IRAK1BP1: variants seen among roughly 807,000 people sequenced by gnomAD.
IRAK1BP1 encodes the protein interleukin 1 receptor associated kinase 1 binding protein 1.
Under a neutral mutation model 28.0 loss-of-function variants are expected in IRAK1BP1, and 24 were observed. That is an observed-to-expected ratio of 0.86 (90% confidence interval 0.62 to 1.20). The LOEUF (loss-of-function observed/expected upper bound fraction) is 1.20. Among genes scored for constraint, IRAK1BP1 ranks in the 50% most tolerant of loss-of-function variants. IRAK1BP1 has a pLI of 0.00. For synonymous variants in IRAK1BP1, 131 were observed against 116.3 expected (o/e 1.13, Z -0.81); for missense variants, 336 against 316.7 (o/e 1.06, Z -0.46).
At chr6:78,870,147 G>T (rs1047086686) in intron 1 of IRAK1BP1, among the ~76,000 whole-genome samples, 1 of 128,450 alleles carries the variant, frequency 7.8e-6, no homozygotes, top group Non-Finnish European at 1.6e-5. Flanking sequence ...AAAAGATGGA[G>T]CCTGACTATC....
intron 4 of IRAK1BP1, among the ~76,000 whole-genome samples, chr6:78,927,946 G>A (rs924872933): frequency 3.3e-5 from 5 of 152,068 alleles, no homozygotes; most frequent in Non-Finnish European, 7.4e-5. Flanking sequence ...TAGCTCTGTA[G>A]TATAATTTGG....
At chr6:78,911,177 C>T (rs1772406952) in intron 4 of IRAK1BP1, among the ~76,000 whole-genome samples, 1 of 152,056 alleles carries the variant, frequency 6.6e-6, no homozygotes, top group Non-Finnish European at 1.5e-5. Context: ...TGCTTGAGAC[C>T]GGGCCACCTC....
the IRAK1BP1 span, among the ~76,000 whole-genome samples, chr6:78,959,073 T>C: frequency 3.1e-3 from 476 of 152,212 alleles, 3 homozygotes; most frequent in African/African-American, 0.011. Flanking sequence ...CCTTATGAGA[T>C]ACAAAATCAT....
downstream of IRAK1BP1, among the ~76,000 whole-genome samples, chr6:78,950,689 T>C (rs1774092958): frequency 6.6e-6 from 1 of 151,986 alleles, no homozygotes; most frequent in Non-Finnish European, 1.5e-5. Flanking sequence ...TACAGTGATA[T>C]GCTCTATATC....
At chr6:78,930,958 A>C (rs1185941381) in intron 4 of IRAK1BP1, among the ~76,000 whole-genome samples, 1 of 29,750 alleles carries the variant, frequency 3.4e-5, no homozygotes, top group Non-Finnish European at 7.5e-5. Flanking sequence ...AAAAATAAAA[A>C]TAAAATAAAA....
intron 2 of IRAK1BP1, among the ~76,000 whole-genome samples, chr6:78,891,637 A>G (rs1328440457): frequency 6.6e-6 from 1 of 151,700 alleles, no homozygotes; most frequent in Non-Finnish European, 1.5e-5. Flanking sequence ...AATTTTTGTA[A>G]TTTTAGTAGA....
chr6:78,949,848 C>T (rs1774046628), downstream of IRAK1BP1, among the ~76,000 whole-genome samples: 3 of 151,948 alleles, frequency 2.0e-5, no homozygotes, highest in African/African-American at 7.3e-5. Flanking sequence ...GCCACTGCAC[C>T]CGGTTAATTT....
the IRAK1BP1 span, among the ~76,000 whole-genome samples, chr6:78,962,463 T>G: frequency 6.2e-4 from 94 of 152,286 alleles, no homozygotes; most frequent in Middle Eastern, 3.4e-3. Flanking sequence ...TATAAAATAC[T>G]TCAGATTTGA....
At chr6:78,930,669 CCTATAATCCCAGCACA>C (rs1487626345) in intron 4 of IRAK1BP1, among the ~76,000 whole-genome samples, 1 of 152,080 alleles carries the variant, frequency 6.6e-6, no homozygotes, top group Non-Finnish European at 1.5e-5. Context: ...GTGGCTCACA[CCTATAATCCCAGCACA>C]CTTTGAGAGG....
At chr6:78,945,567 G>A in exon 5 of IRAK1BP1, 3 of 904,786 alleles carry the variant, frequency 3.3e-6, no homozygotes, top group Non-Finnish European at 5.2e-6. Flanking sequence ...AGGTTAACCT[G>A]AATTATTTGA....
intron 4 of IRAK1BP1, among the ~76,000 whole-genome samples, chr6:78,914,879 G>T (rs1772519129): frequency 6.6e-6 from 1 of 152,166 alleles, no homozygotes; most frequent in South Asian, 2.1e-4. Context: ...GGAGTGCAGT[G>T]GTGTGATCTC....
chr6:78,929,680 T>G (rs1434000699), intron 4 of IRAK1BP1, among the ~76,000 whole-genome samples: 1 of 152,174 alleles, frequency 6.6e-6, no homozygotes, highest in Non-Finnish European at 1.5e-5. Flanking sequence ...GAATCTAAAA[T>G]AAAAATTGAA....
the IRAK1BP1 span, chr6:78,963,039 T>G: frequency 6.8e-7 from 1 of 1,473,104 alleles, no homozygotes; most frequent in African/African-American, 1.4e-5. Flanking sequence ...ATAACAGTAT[T>G]TTTCCATTAC....
At chr6:78,867,957 C>T in intron 1 of IRAK1BP1, 66 bp downstream of exon 1, 5 of 1,443,412 alleles carry the variant, frequency 3.5e-6, no homozygotes, top group Non-Finnish European at 4.6e-6. Context: ...ATGGTCGGGC[C>T]CCACAGGCCC....
intron 4 of IRAK1BP1, among the ~76,000 whole-genome samples, chr6:78,943,136 CTT>C (rs1773586729): frequency 6.6e-6 from 1 of 152,014 alleles, no homozygotes; most frequent in African/African-American, 2.4e-5. Flanking sequence ...TTAAAATTAA[CTT>C]TACCTGTTTT....
downstream of IRAK1BP1, among the ~76,000 whole-genome samples, chr6:78,947,958 C>CA (rs1282613685): frequency 6.6e-6 from 1 of 151,936 alleles, no homozygotes; most frequent in Non-Finnish European, 1.5e-5. Flanking sequence ...TACTCCCCCC[C>CA]CTTATACTGC....
downstream of IRAK1BP1, chr6:78,946,576 C>T (rs1773830980): frequency 2.1e-6 from 3 of 1,403,276 alleles, no homozygotes; most frequent in South Asian, 1.7e-5. Flanking sequence ...AAATCCTCCA[C>T]ATCATAGGAA....
At chr6:78,931,243 A>C (rs1275196910) in intron 4 of IRAK1BP1, among the ~76,000 whole-genome samples, 1 of 152,084 alleles carries the variant, frequency 6.6e-6, no homozygotes, top group Non-Finnish European at 1.5e-5. Flanking sequence ...CTCTACAATC[A>C]ATCAATCCAT....
intron 1 of IRAK1BP1, among the ~76,000 whole-genome samples, chr6:78,884,813 T>G (rs191944805): frequency 2.0e-5 from 3 of 152,168 alleles, no homozygotes; most frequent in Non-Finnish European, 2.9e-5. Context: ...AAGTATACTT[T>G]ATGTGCAAAC....
Sources: allele counts gnomAD v4.1 joint callset (sites outside exome capture counted in the v4.1 genomes callset), GRCh38; gene constraint gnomAD v4.1.1; transcripts MANE v1.5; gene names NCBI Gene and HGNC (gene_info 2026-07-23, HGNC 2026-07-21).